ARHGAP26: variants seen among roughly 807,000 people sequenced by gnomAD.
ARHGAP26 encodes Rho GTPase activating protein 26.
Under a neutral mutation model 104.8 loss-of-function variants are expected in ARHGAP26, and 38 were observed. The ratio of observed to expected loss-of-function variants is 0.36; its 90% CI spans 0.28 to 0.48. ARHGAP26 has a LOEUF of 0.48. ARHGAP26 is among the 20% of genes least tolerant of loss of function. The pLI is 0.99. For missense variants in ARHGAP26, 704 were observed against 947.9 expected (o/e 0.74, Z 3.38); for synonymous variants, 341 against 340.0 (o/e 1.00, Z -0.03).
At chr5:143,051,315 T>C (rs1784988378) in intron 14 of ARHGAP26, among the ~76,000 whole-genome samples, 1 of 152,230 alleles carries the variant, frequency 6.6e-6, no homozygotes, top group Non-Finnish European at 1.5e-5. Context: ...CCAGTCTGTG[T>C]CTTCTGATTT....
intron 20 of ARHGAP26, among the ~76,000 whole-genome samples, chr5:143,198,700 G>C (rs929867985): frequency 6.6e-6 from 1 of 152,166 alleles, no homozygotes; most frequent in Non-Finnish European, 1.5e-5. Flanking sequence ...TGATGTATGC[G>C]CTATTCCAAA....
At chr5:142,773,303 C>T (rs1755631376) in intron 1 of ARHGAP26, among the ~76,000 whole-genome samples, 1 of 152,090 alleles carries the variant, frequency 6.6e-6, no homozygotes, top group Admixed American at 6.5e-5. Flanking sequence ...AATCTATGTT[C>T]TCTTATAGCT....
chr5:142,918,716 A>G (rs1762828925), intron 10 of ARHGAP26, among the ~76,000 whole-genome samples: 1 of 152,096 alleles, frequency 6.6e-6, no homozygotes, highest in Non-Finnish European at 1.5e-5. Context: ...CATGGAGCAA[A>G]TGTTTCACAG....
At chr5:142,892,187 C>T (rs1016874421) in intron 5 of ARHGAP26, among the ~76,000 whole-genome samples, 1 of 151,962 alleles carries the variant, frequency 6.6e-6, no homozygotes, top group Non-Finnish European at 1.5e-5. Flanking sequence ...ATTCCCTGCC[C>T]TCTGACAGCT....
At chr5:142,846,380 C>A (rs1450598647) in intron 1 of ARHGAP26, among the ~76,000 whole-genome samples, 3 of 152,164 alleles carry the variant, frequency 2.0e-5, no homozygotes, top group Non-Finnish European at 4.4e-5. Context: ...TGCCACCTTT[C>A]GTGCCTGTCT....
intron 10 of ARHGAP26, among the ~76,000 whole-genome samples, chr5:142,924,683 G>A (rs1311847935): frequency 6.6e-6 from 1 of 152,172 alleles, no homozygotes; most frequent in Non-Finnish European, 1.5e-5. Context: ...TTCTTTCCAT[G>A]CACAAAGGTC....
rs368486551 is a variant in ARHGAP26, at chr5:143,120,480, G to A, written c.1539-508G>A. Among the ~76,000 whole-genome samples the A allele has an allele frequency of 3.3e-5, 5 of 152,280 alleles. No individual in the cohort carries two copies. In the East Asian group the frequency reaches 7.7e-4, roughly 23 times the overall value. On this transcript the variant is annotated intron_variant, in intron 17 of 22. Transcript: ENST00000645722. The stretch of plus-strand genomic sequence containing the variant: ...GCCTTTAATACTTTACATCTAAAGT[G>A]CTGAATTTCCTTACTTGGTTTTAAA...
chr5:143,025,508 A>G (rs929646312), intron 12 of ARHGAP26, among the ~76,000 whole-genome samples: 1 of 152,174 alleles, frequency 6.6e-6, no homozygotes, highest in African/African-American at 2.4e-5. Context: ...AATCAGTGCA[A>G]AACCACCGGG....
At chr5:143,179,534 T>C (rs1420405357) in intron 20 of ARHGAP26, among the ~76,000 whole-genome samples, 1 of 152,168 alleles carries the variant, frequency 6.6e-6, no homozygotes, top group African/African-American at 2.4e-5. Context: ...CTGTAGGCTT[T>C]TGGCCCTGGG....
intron 17 of ARHGAP26, among the ~76,000 whole-genome samples, chr5:143,095,054 A>G (rs983727757): frequency 1.3e-5 from 2 of 152,040 alleles, no homozygotes; most frequent in African/African-American, 4.8e-5. Context: ...TGTGAAAGGA[A>G]ATTGTACCAT....
chr5:142,950,392 G>A (rs1428663053), intron 11 of ARHGAP26, among the ~76,000 whole-genome samples: 1 of 152,046 alleles, frequency 6.6e-6, no homozygotes, highest in African/African-American at 2.4e-5. Flanking sequence ...TAAACTAGTG[G>A]TGGGATTTTT....
intron 11 of ARHGAP26, among the ~76,000 whole-genome samples, chr5:142,948,595 A>G (rs911694157): frequency 1.3e-5 from 2 of 151,498 alleles, no homozygotes; most frequent in African/African-American, 2.4e-5. Context: ...GATAGTTAAC[A>G]ATTGATTTTA....
At chr5:143,164,423 T>C (rs1801666011) in intron 20 of ARHGAP26, among the ~76,000 whole-genome samples, 1 of 152,218 alleles carries the variant, frequency 6.6e-6, no homozygotes, top group Non-Finnish European at 1.5e-5. Flanking sequence ...ACAAGCCAGT[T>C]ATTAAGTTAT....
chr5:143,171,607 C>T (rs928962152), intron 20 of ARHGAP26, among the ~76,000 whole-genome samples: 1 of 152,170 alleles, frequency 6.6e-6, no homozygotes, highest in African/African-American at 2.4e-5. Context: ...AAATATGTTG[C>T]CAGAGGTGCT....
intron 11 of ARHGAP26, among the ~76,000 whole-genome samples, chr5:142,952,755 G>A (rs922395723): frequency 6.6e-6 from 1 of 152,068 alleles, no homozygotes; most frequent in African/African-American, 2.4e-5. Flanking sequence ...TATCACCCAG[G>A]CTGGAGTGCA....
intron 19 of ARHGAP26, among the ~76,000 whole-genome samples, chr5:143,141,458 A>G (rs765648144): frequency 7.2e-5 from 11 of 152,222 alleles, no homozygotes; most frequent in Non-Finnish European, 1.3e-4. Context: ...CATACGGGAT[A>G]TCTGTGTGCA....
At chr5:143,184,945 A>C (rs1305648667) in intron 20 of ARHGAP26, among the ~76,000 whole-genome samples, 1 of 152,166 alleles carries the variant, frequency 6.6e-6, no homozygotes, top group East Asian at 1.9e-4. Context: ...CAGCCACTGC[A>C]CCCCTAGTAT....
At chr5:143,082,009 CAAAAAAAAAAAA>C (rs71576162) in intron 17 of ARHGAP26, among the ~76,000 whole-genome samples, 3 of 38,276 alleles carry the variant, frequency 7.8e-5, no homozygotes, top group East Asian at 6.4e-4. Flanking sequence ...GACTCCATCT[CAAAAAAAAAAAA>C]AAAAAAAAAA....
chr5:143,093,317 G>C (rs994850548), intron 17 of ARHGAP26, among the ~76,000 whole-genome samples: 1 of 152,128 alleles, frequency 6.6e-6, no homozygotes, highest in Non-Finnish European at 1.5e-5. Context: ...AAAGATTTTT[G>C]ATAGGAAGGC....
Sources: gnomAD v4.1 joint callset for allele counts (sites outside exome capture counted in the v4.1 genomes callset) on GRCh38, gnomAD v4.1.1 for gene constraint, MANE v1.5 for transcripts, NCBI Gene and HGNC (gene_info 2026-07-23, HGNC 2026-07-21) for gene names.